The following KCNT2 variants were observed in gnomAD, a reference collection of about 807,000 sequenced individuals.
KCNT2 encodes potassium sodium-activated channel subfamily T member 2, also known as potassium channel subfamily T member 2.
A neutral mutation model predicts 153.8 loss-of-function variants in KCNT2; 67 were observed. The observed-to-expected ratio is 0.44, with a 90% CI of 0.36 to 0.53. KCNT2 has a LOEUF of 0.53. KCNT2 is among the 20% of genes least tolerant of loss of function. The pLI is 0.00. For synonymous variants in KCNT2, 500 were observed against 458.8 expected (o/e 1.09, Z -1.15); for missense variants, 975 against 1,354.8 (o/e 0.72, Z 4.40).
chr1:196,430,031 G>T (rs1673994476), intron 8 of KCNT2, among the ~76,000 whole-genome samples: 1 of 152,046 alleles, frequency 6.6e-6, no homozygotes, highest in Non-Finnish European at 1.5e-5. Context: ...AATTTCATGG[G>T]TGATACACAT....
At chr1:196,538,270 G>A (rs1655875869) in intron 1 of KCNT2, among the ~76,000 whole-genome samples, 1 of 152,084 alleles carries the variant, frequency 6.6e-6, no homozygotes, top group African/African-American at 2.4e-5. Context: ...GCTGCCACCA[G>A]GCACCACTAC....
At chr1:196,563,458 G>GAA (rs529874769) in intron 1 of KCNT2, among the ~76,000 whole-genome samples, 9 of 82,892 alleles carry the variant, frequency 1.1e-4, no homozygotes, top group Non-Finnish European at 1.7e-4. Flanking sequence ...AAAGAAAAAA[G>GAA]AAAAAAAAAA....
intron 1 of KCNT2, among the ~76,000 whole-genome samples, chr1:196,534,333 G>A (rs1053304687): frequency 6.6e-6 from 1 of 152,082 alleles, no homozygotes; most frequent in African/African-American, 2.4e-5. Context: ...AATTGTTTCT[G>A]CATTGAAACT....
chr1:196,554,655 T>G (rs1053601486), intron 1 of KCNT2, among the ~76,000 whole-genome samples: 4 of 151,220 alleles, frequency 2.6e-5, no homozygotes, highest in African/African-American at 9.7e-5. Context: ...AGTATTGCCC[T>G]GTTACCAAAA....
In KCNT2 at chr1:196,553,163, T is replaced by TA. The variant is rs754162620; in HGVS notation, c.95+55051dup. Among the ~76,000 whole-genome samples the TA allele has an allele frequency of 7.3e-5, 11 of 150,784 alleles. No homozygotes were observed. In the South Asian group the frequency reaches 1.7e-3, roughly 23 times the overall value. ...AAACAAGACCCAATGATCTACTGCT[T>TA]AAAAAAAATCACTTCCTCTATAATG... On this transcript the variant is annotated intron_variant, in intron 1 of 27. Transcript: ENST00000294725.
chr1:196,525,226 T>TA (rs377672266), intron 1 of KCNT2, among the ~76,000 whole-genome samples: 165 of 147,472 alleles, frequency 1.1e-3, no homozygotes, highest in East Asian at 4.7e-3. Context: ...GTAAAGCAAA[T>TA]AAAAAAAAAA....
chr1:196,469,419 C>A (rs998079999), intron 5 of KCNT2, among the ~76,000 whole-genome samples: 4 of 152,090 alleles, frequency 2.6e-5, no homozygotes, highest in African/African-American at 9.7e-5. Flanking sequence ...GTTTTACTTA[C>A]TATAATAATG....
Position 196,237,194 on chromosome 1 carries a change from G to A in KCNT2, c.3212-1124C>T, listed in dbSNP as rs531465382. On this transcript the variant is annotated intron_variant, in intron 26 of 27. Coordinates refer to ENST00000294725, the MANE Select transcript of KCNT2 (RefSeq NM_198503.5). ...CCCTGATAAACAATTTGCTGCACTG[G>A]AATATAAATTACATTCATAAAATAA... 4.6e-5 allele frequency among the ~76,000 whole-genome samples: 7 copies of A among 151,736 alleles called. No homozygotes were observed. In the East Asian group the frequency reaches 1.4e-3, roughly 29 times the overall value.
At chr1:196,340,289 A>AT (rs1665492095) in intron 16 of KCNT2, 52 bp downstream of exon 16, 21 of 1,102,170 alleles carry the variant, frequency 1.9e-5, no homozygotes, top group Admixed American at 1.5e-4. Flanking sequence ...ATTTATCATT[A>AT]TTTTTTATTT....
At chr1:196,479,572 C>A (rs1474697721) in intron 4 of KCNT2, among the ~76,000 whole-genome samples, 1 of 151,996 alleles carries the variant, frequency 6.6e-6, no homozygotes, top group Non-Finnish European at 1.5e-5. Context: ...GGGTGTGTTT[C>A]GTTTTAAAAT....
chr1:196,527,883 T>C (rs1301011242), intron 1 of KCNT2, among the ~76,000 whole-genome samples: 1 of 152,192 alleles, frequency 6.6e-6, no homozygotes, highest in Non-Finnish European at 1.5e-5. Flanking sequence ...CCTGCTAATG[T>C]ACCAAATTTC....
chr1:196,429,230 C>G (rs1673921176), intron 9 of KCNT2, among the ~76,000 whole-genome samples: 1 of 151,830 alleles, frequency 6.6e-6, no homozygotes, highest in South Asian at 2.1e-4. Context: ...CAAGAGAAAT[C>G]AACCCTTCAC....
At chr1:196,496,469 A>G (rs1410493854) in intron 1 of KCNT2, among the ~76,000 whole-genome samples, 4 of 146,962 alleles carry the variant, frequency 2.7e-5, no homozygotes, top group Admixed American at 6.8e-5. Flanking sequence ...CTCTGTCTCA[A>G]AAAAAAAAAA....
At chr1:196,454,442 T>C (rs1340869681) in intron 8 of KCNT2, among the ~76,000 whole-genome samples, 1 of 151,952 alleles carries the variant, frequency 6.6e-6, no homozygotes. Context: ...TGTTTACCTC[T>C]CACTTACAAG....
intron 13 of KCNT2, among the ~76,000 whole-genome samples, chr1:196,377,725 A>C (rs796640782): frequency 5.9e-5 from 9 of 152,230 alleles, no homozygotes; most frequent in African/African-American, 2.2e-4. Context: ...TCTAATAAAA[A>C]GTATAAAAAT....
chr1:196,601,491 CT>C (rs1196944877), intron 1 of KCNT2, among the ~76,000 whole-genome samples: 1 of 152,132 alleles, frequency 6.6e-6, no homozygotes, highest in Non-Finnish European at 1.5e-5. Flanking sequence ...TGTTTAATGT[CT>C]GTGAAAGAAC....
chr1:196,339,213 G>A (rs112243767), intron 16 of KCNT2, among the ~76,000 whole-genome samples: 7,396 of 151,898 alleles, frequency 0.049, 278 homozygotes, highest in Non-Finnish European at 0.072. Flanking sequence ...GCACAAAGCA[G>A]AAAAAAAGGC....
At chr1:196,346,808 A>C (rs1027000576) in intron 14 of KCNT2, among the ~76,000 whole-genome samples, 2 of 152,162 alleles carry the variant, frequency 1.3e-5, no homozygotes, top group African/African-American at 4.8e-5. Flanking sequence ...CATCTCACCC[A>C]ACACCAATTG....
chr1:196,538,131 A>G (rs1287307598), intron 1 of KCNT2, among the ~76,000 whole-genome samples: 1 of 148,262 alleles, frequency 6.7e-6, no homozygotes, highest in Non-Finnish European at 1.5e-5. Context: ...CGCCCATCCA[A>G]CTCTGCCAGC....
Sources: allele counts gnomAD v4.1 joint callset (sites outside exome capture counted in the v4.1 genomes callset), GRCh38; gene constraint gnomAD v4.1.1; transcripts MANE v1.5; gene names NCBI Gene and HGNC (gene_info 2026-07-23, HGNC 2026-07-21).